The following PKHD1 variants were observed in gnomAD, a reference collection of about 807,000 sequenced individuals.
The protein encoded by PKHD1 is fibrocystin.
In PKHD1, 291 loss-of-function variants were observed where a neutral mutation model predicts 412.0. The ratio of observed to expected loss-of-function variants is 0.71; its 90% CI spans 0.64 to 0.78. PKHD1 has a LOEUF of 0.78. PKHD1 is among the 30% of genes least tolerant of loss of function. The probability of loss-of-function intolerance (pLI) is 0.00; values close to 1 mark genes in which losing one functional copy is unlikely to be tolerated. For synonymous variants in PKHD1, 1,777 were observed against 1,821.5 expected (o/e 0.98, Z 0.62); for missense variants, 4,825 against 4,950.7 (o/e 0.97, Z 0.76).
intron 31 of PKHD1, among the ~76,000 whole-genome samples, chr6:52,026,591 C>T (rs9463747): frequency 1.9e-3 from 288 of 152,234 alleles, no homozygotes; most frequent in African/African-American, 6.6e-3. Context: ...ATACATTCAA[C>T]TTATATGCTA....
rs779738981 is a variant in PKHD1 at position 51,744,426 on chromosome 6, G to A, written c.10115C>T (p.Pro3372Leu). ...TGCAGTCCATTCTGCCTCTGTTTTA[G>A]GAAATACAGAAACTGGTGGAGGCAG... ...LGLPPPVSVF[P>L]KTEAEWTASF... Residue 3372 changes from proline to leucine, a missense_variant, in exon 60 of 67, where the codon CCT (proline) becomes CTT (leucine). Transcript: ENST00000371117. 3.1e-6 allele frequency: 5 copies of A among 1,613,700 alleles called. No individual in the cohort carries two copies. The highest frequency in any genetic ancestry group is 3.3e-4 in the Middle Eastern group (2 of 6,060).
At position 52,011,614 on chromosome 6, in the gene PKHD1, C is replaced by T. The variant is rs116088198; in HGVS notation, c.5601-1155G>A. Reference sequence around the variant, plus strand: ...GGAGAGAAGGGCAAAAAGGTCACCACTTGAGAAACTGTACACCATGTCAAA... The same window carrying T: ...GGAGAGAAGGGCAAAAAGGTCACCATTTGAGAAACTGTACACCATGTCAAA... On this transcript the variant is annotated intron_variant, in intron 34 of 66. Transcript: ENST00000371117. Among the ~76,000 whole-genome samples the T allele has an allele frequency of 9.2e-4, 140 of 152,338 alleles. 4 individuals carry two copies. The highest frequency in any genetic ancestry group is 2.9e-3 in the African/African-American group (119 of 41,592).
chr6:51,683,526 TA>T (rs1776990579), intron 60 of PKHD1, among the ~76,000 whole-genome samples: 1 of 152,014 alleles, frequency 6.6e-6, no homozygotes, highest in African/African-American at 2.4e-5. Context: ...TTTTCAACCA[TA>T]TATAAGGTTA....
At chr6:51,685,724 T>C (rs1399691822) in intron 60 of PKHD1, among the ~76,000 whole-genome samples, 1 of 152,112 alleles carries the variant, frequency 6.6e-6, no homozygotes, top group Non-Finnish European at 1.5e-5. Context: ...TTCTTTGTTT[T>C]AGTTGAGGAG....
chr6:51,680,295 G>A (rs1036901532), intron 60 of PKHD1, among the ~76,000 whole-genome samples: 4 of 151,810 alleles, frequency 2.6e-5, no homozygotes, highest in Non-Finnish European at 4.4e-5. Context: ...AAACCATTAC[G>A]ATTAATTTCA....
At chr6:51,785,874 G>A (rs6926464) in intron 53 of PKHD1, among the ~76,000 whole-genome samples, 19,304 of 151,864 alleles carry the variant, frequency 0.13, 1,265 homozygotes, top group African/African-American at 0.15. Context: ...CTCTCTCACT[G>A]GTTTCTTTAT....
chr6:51,822,256 A>G (rs1766566235), intron 52 of PKHD1, among the ~76,000 whole-genome samples: 1 of 152,214 alleles, frequency 6.6e-6, no homozygotes, highest in African/African-American at 2.4e-5. Flanking sequence ...AAACTATAAA[A>G]CAAGCAAGAG....
chr6:51,813,739 G>T (rs952206258), intron 52 of PKHD1, among the ~76,000 whole-genome samples: 2 of 152,144 alleles, frequency 1.3e-5, no homozygotes, highest in Admixed American at 6.5e-5. Context: ...GAAAAGAAAA[G>T]ATATCGGAAT....
At chr6:51,726,129 T>G (rs1048145769) in intron 60 of PKHD1, among the ~76,000 whole-genome samples, 2 of 152,192 alleles carry the variant, frequency 1.3e-5, no homozygotes, top group African/African-American at 4.8e-5. Context: ...TAGATGTGTC[T>G]GAGAGATCCA....
chr6:51,933,741 C>T (rs1358241576), intron 37 of PKHD1, among the ~76,000 whole-genome samples: 1 of 152,180 alleles, frequency 6.6e-6, no homozygotes, highest in Non-Finnish European at 1.5e-5. Flanking sequence ...GTCTTAAAAC[C>T]TTCACTTGGC....
chr6:51,916,434 T>C (rs947213916), intron 37 of PKHD1, among the ~76,000 whole-genome samples: 4 of 152,174 alleles, frequency 2.6e-5, no homozygotes, highest in Non-Finnish European at 4.4e-5. Flanking sequence ...TAGGAAACTA[T>C]GATTCTTCAA....
chr6:51,725,259 A>C (rs902949191), intron 60 of PKHD1, among the ~76,000 whole-genome samples: 3 of 152,160 alleles, frequency 2.0e-5, no homozygotes, highest in African/African-American at 7.2e-5. Flanking sequence ...ACGTATCTGG[A>C]ATAAGGCCTC....
rs1810299165 is a variant in PKHD1, at chr6:52,069,637, G to A, written c.708-110C>T. On this transcript the variant is annotated intron_variant, in intron 10 of 66. Coordinates refer to ENST00000371117, the MANE Select transcript of PKHD1 (RefSeq NM_138694.4). ...GGGAACTAACCTCTATTGATCTTTA[G>A]AACAGTTGAAATAGCAGCTCCCTTG... The A allele has an allele frequency of 3.7e-6, 3 of 820,146 alleles. No individual in the cohort carries two copies. In the African/African-American group the frequency reaches 5.0e-5, roughly 14 times the overall value. The allele number at this position is 820,146 out of a possible 1,614,324, so 50.8% of individuals were successfully genotyped here.
chr6:51,748,183 A>G lies in PKHD1; in HGVS notation c.9433T>C (p.Ser3145Pro), dbSNP rs990198051. ...AAGTTCTTGAAAGCCAAGAAGCCAGAGATTCTGGTACAGTTGTCAAGTCCA... is the reference window on the plus strand; with the variant it reads ...AAGTTCTTGAAAGCCAAGAAGCCAGGGATTCTGGTACAGTTGTCAAGTCCA... ...ESGLDNCTRI[S>P]GFLAFKNFDY... Residue 3145 changes from serine to proline, a missense_variant, in exon 58 of 67, where the codon TCT becomes CCT. By Grantham distance (74) the Ser-to-Pro change is moderately conservative (BLOSUM62 -1). Transcript: ENST00000371117. The G allele has an allele frequency of 6.2e-7, 1 of 1,614,134 alleles. No homozygotes were observed. The highest frequency in any genetic ancestry group is 1.3e-5 in the African/African-American group (1 of 75,046).
chr6:51,668,045 A>G (rs1277049666), intron 60 of PKHD1, among the ~76,000 whole-genome samples: 1 of 152,048 alleles, frequency 6.6e-6, no homozygotes, highest in Non-Finnish European at 1.5e-5. Context: ...TTTTGGTTCC[A>G]TATGAACTTT....
At chr6:51,982,895 AAAAGAG>A (rs1562054990) in intron 35 of PKHD1, among the ~76,000 whole-genome samples, 2 of 138,774 alleles carry the variant, frequency 1.4e-5, no homozygotes, top group Non-Finnish European at 3.2e-5. Context: ...TAAAATAAAA[AAAAGAG>A]AGGCTCCAAA....
chr6:52,053,391 G>C, intron 20 of PKHD1, 140 bp from the exon 21 acceptor site: 2 of 808,908 alleles, frequency 2.5e-6, no homozygotes, highest in Non-Finnish European at 4.1e-6. Flanking sequence ...CACCCAAGCA[G>C]TCCTGGGTGC....
chr6:52,076,277 T>C lies in PKHD1; in HGVS notation c.447A>G (p.Pro149=). 6.2e-7 allele frequency: 1 copy of C among 1,605,990 alleles called. No homozygotes were observed. The highest frequency in any genetic ancestry group is 8.5e-7 in the Non-Finnish European group (1 of 1,172,656). The change falls in exon 6 of 67, where the codon CCA becomes CCG. Residue 149 remains proline (P), a splice_region_variant and synonymous_variant. Transcript: ENST00000371117. ...CTATTTTAATAGAAGATTTCTTACC[T>C]GGAACACCACTTGGTGGATAAACTT... The part of the protein sequence containing the change: ...VHQVYPPSGV[P]GKLIHVYGWI...
intron 47 of PKHD1, 143 bp from the exon 48 acceptor site, chr6:51,868,252 G>C: frequency 1.3e-6 from 1 of 789,016 alleles, no homozygotes; most frequent in South Asian, 1.6e-5. Flanking sequence ...AGTGTTTTCT[G>C]TGGGTGTTTT....
Sources: allele counts gnomAD v4.1 joint callset (sites outside exome capture counted in the v4.1 genomes callset), GRCh38; gene constraint gnomAD v4.1.1; transcripts MANE v1.5; gene names NCBI Gene and HGNC (gene_info 2026-07-23, HGNC 2026-07-21).